The following FNBP1L variants were observed in gnomAD, a reference collection of about 807,000 sequenced individuals.
The protein encoded by FNBP1L is formin-binding protein 1-like.
A neutral mutation model predicts 91.2 loss-of-function variants in FNBP1L; 36 were observed. The ratio of observed to expected loss-of-function variants is 0.39; its 90% CI spans 0.30 to 0.52. The LOEUF is 0.52. Ranked by LOEUF, FNBP1L falls within the 20% of genes least tolerant of loss-of-function variation. The pLI is 0.66. For missense variants in FNBP1L, 571 were observed against 732.1 expected (o/e 0.78, Z 2.54); for synonymous variants, 242 against 237.0 (o/e 1.02, Z -0.19).
intron 5 of FNBP1L, among the ~76,000 whole-genome samples, chr1:93,527,871 C>T (rs575841884): frequency 1.1e-3 from 167 of 152,084 alleles, no homozygotes; most frequent in Non-Finnish European, 2.0e-3. Flanking sequence ...AAAATACTTA[C>T]AGCTGTTAGC....
At chr1:93,474,638 T>TA (rs1427187583) in intron 1 of FNBP1L, among the ~76,000 whole-genome samples, 2 of 152,120 alleles carry the variant, frequency 1.3e-5, no homozygotes, top group African/African-American at 4.8e-5. Flanking sequence ...GTCTGGAGAG[T>TA]ATATATTTTA....
chr1:93,495,039 T>G (rs1670217915), intron 1 of FNBP1L, among the ~76,000 whole-genome samples: 2 of 152,174 alleles, frequency 1.3e-5, no homozygotes, highest in Admixed American at 6.5e-5. Context: ...GAGGTGAGAT[T>G]TGGGTGGGGA....
intron 1 of FNBP1L, among the ~76,000 whole-genome samples, chr1:93,479,057 G>T (rs921117591): frequency 3.9e-5 from 6 of 152,178 alleles, no homozygotes; most frequent in Non-Finnish European, 8.8e-5. Context: ...ATATTTCAAC[G>T]TAGGTTCTTT....
At chr1:93,460,666 A>G (rs1460525500) in intron 1 of FNBP1L, among the ~76,000 whole-genome samples, 1 of 152,222 alleles carries the variant, frequency 6.6e-6, no homozygotes, top group Non-Finnish European at 1.5e-5. Flanking sequence ...TGTTAAGTGA[A>G]ATAAGCCAGG....
Position 93,551,118 on chromosome 1 carries a change from A to G in FNBP1L, c.1810+13A>G. On this transcript the variant is annotated intron_variant, in intron 16 of 16. Transcript: ENST00000271234. ...AAAAACAGTAAAGGTGCAGTAACTTATATCTAAACTAACCAGGCACCTTTG... is the reference window on the plus strand; with the variant it reads ...AAAAACAGTAAAGGTGCAGTAACTTGTATCTAAACTAACCAGGCACCTTTG... 1.3e-6 allele frequency: 2 copies of G among 1,593,576 alleles called. No individual in the cohort carries two copies. The highest frequency in any genetic ancestry group is 1.3e-5 in the African/African-American group (1 of 74,256).
At chr1:93,512,418 G>A (rs11485387) in intron 2 of FNBP1L, among the ~76,000 whole-genome samples, 22,894 of 150,570 alleles carry the variant, frequency 0.15, 1,934 homozygotes, top group Middle Eastern at 0.19. Flanking sequence ...TGCACCAAGC[G>A]GACCTAATAG....
intron 2 of FNBP1L, among the ~76,000 whole-genome samples, chr1:93,516,790 A>G (rs937242550): frequency 1.3e-5 from 2 of 152,160 alleles, no homozygotes; most frequent in African/African-American, 4.8e-5. Flanking sequence ...GACTTGTTTA[A>G]TGCAGTTCAT....
intron 5 of FNBP1L, among the ~76,000 whole-genome samples, chr1:93,525,769 A>T (rs1671472840): frequency 6.6e-6 from 1 of 152,220 alleles, no homozygotes; most frequent in African/African-American, 2.4e-5. Context: ...CTATAAAAAA[A>T]GGTGAGTTCA....
intron 1 of FNBP1L, among the ~76,000 whole-genome samples, chr1:93,458,917 G>C (rs1214910051): frequency 6.6e-6 from 1 of 152,194 alleles, no homozygotes; most frequent in Non-Finnish European, 1.5e-5. Context: ...AGGAAAAACA[G>C]TATAGACCCA....
chr1:93,498,072 AT>A (rs1294828594), intron 1 of FNBP1L, among the ~76,000 whole-genome samples: 18 of 152,172 alleles, frequency 1.2e-4, no homozygotes, highest in Middle Eastern at 3.4e-3. Context: ...ATATCATTTA[AT>A]ATATAAATAA....
At chr1:93,448,737 G>T (rs1451803379) in intron 1 of FNBP1L, among the ~76,000 whole-genome samples, 3 of 152,164 alleles carry the variant, frequency 2.0e-5, no homozygotes, top group Non-Finnish European at 4.4e-5. Context: ...TTCGAGGGCG[G>T]GGAGGGGACC....
chr1:93,549,411 A>G lies in FNBP1L; in HGVS notation c.1636A>G (p.Ile546Val), dbSNP rs758436443. ...GCCTGCTATTGGACACTGCAAAGCT[A>G]TCTACCCTTTTGATGGTATGATTTT... is the stretch of plus-strand genomic sequence containing the variant. Reference protein sequence around the residue: ...PLPAIGHCKAIYPFDGHNEGT... With the variant: ...PLPAIGHCKAVYPFDGHNEGT... The change falls in exon 15 of 17, where the codon ATC becomes GTC. Residue 546 changes from isoleucine (I) to valine (V), a missense_variant. Coordinates refer to ENST00000271234, the MANE Select transcript of FNBP1L (RefSeq NM_001164473.3). 5.6e-5 allele frequency: 89 copies of G among 1,588,512 alleles called. No individual in the cohort carries two copies. The East Asian group carries it at 1.2e-3, about 22-fold the overall frequency.
chr1:93,499,060 T>C (rs1670359347), intron 1 of FNBP1L, among the ~76,000 whole-genome samples: 1 of 152,160 alleles, frequency 6.6e-6, no homozygotes, highest in Non-Finnish European at 1.5e-5. Flanking sequence ...TGGCCCTCAA[T>C]ATAGTATAGC....
intron 1 of FNBP1L, among the ~76,000 whole-genome samples, chr1:93,469,104 A>T (rs1481473659): frequency 6.6e-6 from 1 of 151,898 alleles, no homozygotes; most frequent in Non-Finnish European, 1.5e-5. Flanking sequence ...TTATATTTAT[A>T]CTTTAAGTTC....
chr1:93,514,908 A>AT (rs1417604078), intron 2 of FNBP1L, among the ~76,000 whole-genome samples: 1 of 152,238 alleles, frequency 6.6e-6, no homozygotes, highest in African/African-American at 2.4e-5. Context: ...AAAAGCCAGA[A>AT]TTGACAAATG....
intron 10 of FNBP1L, among the ~76,000 whole-genome samples, chr1:93,536,875 TTTATTGAC>T (rs1343228622): frequency 2.6e-5 from 4 of 152,076 alleles, no homozygotes; most frequent in African/African-American, 9.7e-5. Context: ...AAAATATTAT[TTTATTGAC>T]AATAAAATGT....
chr1:93,465,030 A>G (rs1669024156), intron 1 of FNBP1L, among the ~76,000 whole-genome samples: 1 of 152,174 alleles, frequency 6.6e-6, no homozygotes, highest in Non-Finnish European at 1.5e-5. Flanking sequence ...GTTTGAGGCT[A>G]AAAATCATCA....
At chr1:93,495,945 A>G (rs1392633928) in intron 1 of FNBP1L, among the ~76,000 whole-genome samples, 2 of 152,378 alleles carry the variant, frequency 1.3e-5, no homozygotes, top group Middle Eastern at 3.4e-3. Flanking sequence ...AGAGACAGGT[A>G]ATCAACAGGA....
intron 1 of FNBP1L, among the ~76,000 whole-genome samples, chr1:93,462,455 CCA>C (rs1469591638): frequency 1.3e-5 from 2 of 152,128 alleles, no homozygotes; most frequent in East Asian, 3.9e-4. Flanking sequence ...TAACTAAAGG[CCA>C]CAGTTTATTA....
Sources: gnomAD v4.1 joint callset for allele counts (sites outside exome capture counted in the v4.1 genomes callset) on GRCh38, gnomAD v4.1.1 for gene constraint, MANE v1.5 for transcripts, NCBI Gene and HGNC (gene_info 2026-07-23, HGNC 2026-07-21) for gene names.